MAPT: variants seen among roughly 807,000 people sequenced by gnomAD.
MAPT encodes microtubule-associated protein tau.
Under a neutral mutation model 67.9 loss-of-function variants are expected in MAPT, and 34 were observed. The ratio of observed to expected loss-of-function variants is 0.50; its 90% CI spans 0.38 to 0.67. The LOEUF is 0.67. Among genes scored for constraint, MAPT ranks in the 30% least tolerant of loss-of-function variants. The pLI is 0.00. For missense variants in MAPT, 881 were observed against 1,115.2 expected, an observed-to-expected ratio of 0.79 and a Z score of 2.99; for synonymous variants, 456 against 464.5, an observed-to-expected ratio of 0.98 and a Z score of 0.23.
intron 1 of MAPT, among the ~76,000 whole-genome samples, chr17:45,911,935 T>C (rs1184435284): frequency 6.6e-6 from 1 of 152,228 alleles, no homozygotes; most frequent in Admixed American, 6.5e-5. Flanking sequence ...GGAATACATG[T>C]ACTGTTTGCC....
chr17:45,970,846 T>A (rs761292980), intron 2 of MAPT, among the ~76,000 whole-genome samples: 36 of 152,238 alleles, frequency 2.4e-4, no homozygotes, highest in Admixed American at 1.7e-3. Flanking sequence ...GGGCCTGCCC[T>A]GGAGTCTTTT....
intron 1 of MAPT, among the ~76,000 whole-genome samples, chr17:45,924,370 A>G (rs571568006): frequency 1.4e-4 from 21 of 152,368 alleles, no homozygotes; most frequent in African/African-American, 5.0e-4. Flanking sequence ...ATTAGCAGGG[A>G]TGACAGGGAG....
At chr17:45,916,417 T>C (rs549410705) in intron 1 of MAPT, among the ~76,000 whole-genome samples, 1 of 152,250 alleles carries the variant, frequency 6.6e-6, no homozygotes, top group South Asian at 2.1e-4. Context: ...TCCCCAGAAC[T>C]GTGAGGTGGG....
rs527817276 is a variant in MAPT, at chr17:45,983,114, G to A, written c.535G>A (p.Gly179Arg). Residue 179 changes from glycine (G) to arginine (R), a missense_variant, in exon 5 of 13, where the codon GGG becomes AGG. By Grantham distance (125) the Gly-to-Arg change is moderately radical (BLOSUM62 -2). Around this residue, in one of 6 missense-constraint regions of MAPT, gnomAD observed 687 missense variants for 766.1 expected, o/e 0.90. Coordinates refer to ENST00000262410, the MANE Select transcript of MAPT (RefSeq NM_001377265.1). ...CTCCCTGGAGTGGGGACAAAAAGGC[G>A]GGGACTGGGCCGAGAAGGGTCCGGC... ...EPSLEWGQKG[G>R]DWAEKGPAFP... is the part of the protein sequence containing the mutation. The A allele has an allele frequency of 9.6e-6, 15 of 1,562,998 alleles. No individual in the cohort carries two copies. The highest frequency in any genetic ancestry group is 5.8e-5 in the South Asian group (5 of 85,508).
intron 3 of MAPT, chr17:45,975,720 T>TA (rs1224679201): frequency 6.6e-6 from 1 of 152,176 alleles, no homozygotes; most frequent in African/African-American, 2.4e-5. Context: ...GTGCAAAAGC[T>TA]AAATAATTAG....
chr17:45,986,161 G>A (rs2073516091), intron 5 of MAPT, among the ~76,000 whole-genome samples: 1 of 152,296 alleles, frequency 6.6e-6, no homozygotes, highest in South Asian at 2.1e-4. Context: ...AGCTAATTTG[G>A]GGAAGCAGTG....
At chr17:45,947,655 T>G (rs1286577192) in intron 1 of MAPT, among the ~76,000 whole-genome samples, 1 of 152,130 alleles carries the variant, frequency 6.6e-6, no homozygotes, top group Non-Finnish European at 1.5e-5. Context: ...CCCAGTGTGC[T>G]GGGATTACAG....
At chr17:45,905,412 T>C (rs1029178610) in intron 1 of MAPT, among the ~76,000 whole-genome samples, 4 of 152,080 alleles carry the variant, frequency 2.6e-5, no homozygotes, top group Non-Finnish European at 5.9e-5. Flanking sequence ...ACTGAATAAA[T>C]TGAAATAAAT....
intron 3 of MAPT, chr17:45,974,465 A>C: frequency 6.2e-7 from 1 of 1,601,322 alleles, no homozygotes; most frequent in Non-Finnish European, 8.5e-7. Flanking sequence ...CCCAGAAGGA[A>C]CCACAGGTGA....
At chr17:46,018,337 A>G (rs1425379035) in intron 11 of MAPT, among the ~76,000 whole-genome samples, 1 of 151,394 alleles carries the variant, frequency 6.6e-6, no homozygotes, top group Non-Finnish European at 1.5e-5. Flanking sequence ...GCAAGGACTT[A>G]CTTGTATCCA....
intron 1 of MAPT, among the ~76,000 whole-genome samples, chr17:45,955,097 G>A (rs564143683): frequency 1.8e-4 from 28 of 152,290 alleles, no homozygotes; most frequent in Middle Eastern, 3.4e-3. Flanking sequence ...TTAGTAAAAC[G>A]CAGTCACGGG....
At chr17:46,015,788 T>TTA (rs1289977169) in intron 11 of MAPT, among the ~76,000 whole-genome samples, 1 of 152,254 alleles carries the variant, frequency 6.6e-6, no homozygotes, top group African/African-American at 2.4e-5. Flanking sequence ...GATGTGATTA[T>TTA]TATACATTGT....
chr17:46,009,360 T>TTGCAGGGACAGAGCCCTCGTACAGA (rs1415176190), intron 9 of MAPT, among the ~76,000 whole-genome samples: 5 of 121,312 alleles, frequency 4.1e-5, no homozygotes, highest in Non-Finnish European at 8.4e-5. Flanking sequence ...TTCTATTTCA[T>TTGCAGGGACAGAGCCCTCGTACAGA]AGTTCTTAGG....
intron 2 of MAPT, among the ~76,000 whole-genome samples, chr17:45,969,731 A>G (rs1030467196): frequency 3.3e-5 from 5 of 150,474 alleles, no homozygotes; most frequent in South Asian, 2.1e-4. Flanking sequence ...CATATATCCA[A>G]TCATACATCT....
intron 1 of MAPT, among the ~76,000 whole-genome samples, chr17:45,902,797 A>G (rs2063706762): frequency 6.6e-6 from 1 of 152,216 alleles, no homozygotes; most frequent in Admixed American, 6.5e-5. Context: ...ACAGTTTTAA[A>G]TCAGCAAGTG....
chr17:45,989,961 T>G lies in MAPT; in HGVS notation c.1491T>G (p.Pro497=). 1.2e-6 allele frequency: 2 copies of G among 1,614,166 alleles called. No individual in the cohort carries two copies. The highest frequency in any genetic ancestry group is 1.7e-6 in the Non-Finnish European group (2 of 1,180,020). Reference sequence around the variant, plus strand: ...ACCCCACTCCTGGTAGCTCAGACCCTCTGATCCAACCCTCCAGCCCTGCTG... The same window carrying G: ...ACCCCACTCCTGGTAGCTCAGACCCGCTGATCCAACCCTCCAGCCCTGCTG... ...PKHPTPGSSD[P]LIQPSSPAVC... The change falls in exon 7 of 13, where the codon CCT becomes CCG. Residue 497 remains proline, a synonymous_variant. Transcript: ENST00000262410.
intron 11 of MAPT, among the ~76,000 whole-genome samples, chr17:46,016,688 A>G (rs1010588429): frequency 2.0e-5 from 3 of 152,062 alleles, no homozygotes; most frequent in Admixed American, 6.5e-5. Flanking sequence ...GGAGAATGGC[A>G]TGAACCTGGG....
chr17:46,021,226 C>T (rs896482708), intron 12 of MAPT, among the ~76,000 whole-genome samples: 6 of 152,222 alleles, frequency 3.9e-5, no homozygotes, highest in African/African-American at 9.6e-5. Context: ...CGTAGCTGGC[C>T]GAGAGCTCTC....
At chr17:46,023,509 A>G (rs2076656459) in intron 12 of MAPT, among the ~76,000 whole-genome samples, 1 of 152,176 alleles carries the variant, frequency 6.6e-6, no homozygotes, top group Non-Finnish European at 1.5e-5. Context: ...TCAGGGAAGG[A>G]GTGGGCACAG....
Sources: allele counts gnomAD v4.1 joint callset (sites outside exome capture counted in the v4.1 genomes callset), GRCh38; gene constraint gnomAD v4.1.1; regional missense constraint gnomAD v4.1.1; transcripts MANE v1.5; gene names NCBI Gene and HGNC (gene_info 2026-07-23, HGNC 2026-07-21).